VCL: variants seen among roughly 807,000 people sequenced by gnomAD.
VCL encodes the protein epididymis luminal protein 114.
Under a neutral mutation model 125.7 loss-of-function variants are expected in VCL, and 47 were observed. The ratio of observed to expected loss-of-function variants is 0.37; its 90% CI spans 0.30 to 0.48. VCL has a LOEUF of 0.48. VCL is among the 20% of genes least tolerant of loss of function. The probability of loss-of-function intolerance (pLI) is 0.99; values close to 1 mark genes in which losing one functional copy is unlikely to be tolerated. For missense variants in VCL, 1,069 were observed against 1,455.5 expected, an observed-to-expected ratio of 0.73 and a Z score of 4.32; for synonymous variants, 458 against 514.6, an observed-to-expected ratio of 0.89 and a Z score of 1.49.
chr10:74,039,995 C>G (rs1841063381), intron 1 of VCL, among the ~76,000 whole-genome samples: 1 of 152,154 alleles, frequency 6.6e-6, no homozygotes, highest in Admixed American at 6.5e-5. Flanking sequence ...AAAATACACC[C>G]AATCTTTTCC....
rs531735346 is a variant in VCL, at chr10:74,067,397, G to A, written c.240-3273G>A. Among the ~76,000 whole-genome samples, 4 of 148,778 alleles carry A rather than the reference G, an allele frequency of 2.7e-5. No homozygotes were observed. In the South Asian group the frequency reaches 6.2e-4, roughly 23 times the overall value. ...TTTATTTAAAAAAAAAAAAAGATAA[G>A]CATTGGTGAGGATATGGAGAATTAG... On this transcript the variant is annotated intron_variant, in intron 2 of 21. Coordinates refer to ENST00000211998, the MANE Select transcript of VCL (RefSeq NM_014000.3).
rs1390342720 is a variant in VCL, at chr10:74,049,742, G to A, written c.239+6589G>A. Among the ~76,000 whole-genome samples the A allele has an allele frequency of 3.9e-5, 6 of 152,262 alleles. No homozygotes were observed. In the East Asian group the frequency reaches 1.2e-3, roughly 29 times the overall value. On this transcript the variant is annotated intron_variant, in intron 2 of 21. Coordinates refer to ENST00000211998, the MANE Select transcript of VCL (RefSeq NM_014000.3). ...TAGAATTGGGCAGGAGGGAAGCTTT[G>A]TAGTTGCTGAGCAGTAGGATGACAA... is the stretch of plus-strand genomic sequence containing the variant.
chr10:74,043,198 C>T (rs756759920), intron 2 of VCL, 45 bp downstream of exon 2: 1 of 1,531,554 alleles, frequency 6.5e-7, no homozygotes, highest in Non-Finnish European at 9.0e-7. Context: ...GAATAATACT[C>T]TTGTTAGGAA....
intron 1 of VCL, among the ~76,000 whole-genome samples, chr10:74,026,726 G>T (rs1840778925): frequency 6.6e-6 from 1 of 152,116 alleles, no homozygotes; most frequent in African/African-American, 2.4e-5. Flanking sequence ...CTGATAAGGA[G>T]ACTGAGGCTC....
intron 1 of VCL, among the ~76,000 whole-genome samples, chr10:74,034,788 G>C (rs560822620): frequency 6.0e-4 from 91 of 152,356 alleles, no homozygotes; most frequent in Middle Eastern, 3.4e-3. Flanking sequence ...ATATCAGTGA[G>C]GGGTGGATGG....
At chr10:74,003,466 T>G (rs1381202107) in intron 1 of VCL, among the ~76,000 whole-genome samples, 1 of 152,206 alleles carries the variant, frequency 6.6e-6, no homozygotes, top group East Asian at 1.9e-4. Context: ...CATAGAAATG[T>G]GTCAGTCTGT....
Position 74,118,004 on chromosome 10 carries a change from A to T in VCL, c.3259-19A>T. 6.2e-7 allele frequency: 1 copy of T among 1,613,784 alleles called. No individual in the cohort carries two copies. The highest frequency in any genetic ancestry group is 2.2e-5 in the East Asian group (1 of 44,886). On this transcript the variant is annotated intron_variant, in intron 21 of 21. Transcript: ENST00000211998. ...GCATCAGGGACCCTGGGTAACGGAA[A>T]GTACCTTTTTCCTTGCAGGCCACAG... is the stretch of plus-strand genomic sequence containing the variant.
At chr10:74,112,715 G>A (rs1840246721) in intron 19 of VCL, among the ~76,000 whole-genome samples, 1 of 152,152 alleles carries the variant, frequency 6.6e-6, no homozygotes, top group Non-Finnish European at 1.5e-5. Flanking sequence ...AGTACTCAAG[G>A]CCACAAGACA....
chr10:74,094,667 T>C (rs1279514465), intron 11 of VCL, among the ~76,000 whole-genome samples: 1 of 152,180 alleles, frequency 6.6e-6, no homozygotes, highest in Non-Finnish European at 1.5e-5. Flanking sequence ...ATGTTTGTAA[T>C]CCAAGTGCTT....
chr10:74,090,031 T>A lies in VCL; in HGVS notation c.1185T>A (p.Leu395=). Residue 395 remains leucine, a synonymous_variant, in exon 10 of 22, where the codon CTT becomes CTA. Transcript: ENST00000211998. The stretch of plus-strand genomic sequence containing the variant: ...TCCGTTTCTATGTGTAGAACTGGCT[T>A]GCAGATCCAAATGGTGGACCGGAAG... ...AKKIDAAQNW[L]ADPNGGPEGE... The A allele has an allele frequency of 6.2e-7, 1 of 1,614,042 alleles. No homozygotes were observed. Among genetic ancestry groups the A allele is most frequent in the Non-Finnish European group, 8.5e-7 (1 of 1,179,978 alleles).
intron 1 of VCL, among the ~76,000 whole-genome samples, chr10:74,002,807 G>A (rs1045611217): frequency 2.0e-5 from 3 of 150,890 alleles, no homozygotes; most frequent in East Asian, 4.0e-4. Flanking sequence ...GCTTGAATCC[G>A]GGAGGTGGAG....
chr10:74,025,298 T>C (rs1028637766), intron 1 of VCL, among the ~76,000 whole-genome samples: 2 of 152,042 alleles, frequency 1.3e-5, no homozygotes, highest in African/African-American at 4.8e-5. Flanking sequence ...AATACAGGCG[T>C]AGCCATGGTG....
At chr10:74,111,079 G>A (rs1840211807) in intron 18 of VCL, among the ~76,000 whole-genome samples, 1 of 152,130 alleles carries the variant, frequency 6.6e-6, no homozygotes, top group Admixed American at 6.5e-5. Context: ...TGTACCCAAG[G>A]AGAAGCTTTC....
At chr10:74,064,355 T>C (rs1010050066) in intron 2 of VCL, among the ~76,000 whole-genome samples, 1 of 152,132 alleles carries the variant, frequency 6.6e-6, no homozygotes, top group African/African-American at 2.4e-5. Context: ...AGCTCCCGTT[T>C]TGAAGCTATC....
At chr10:74,022,290 A>G (rs1313681235) in intron 1 of VCL, among the ~76,000 whole-genome samples, 1 of 152,126 alleles carries the variant, frequency 6.6e-6, no homozygotes, top group Non-Finnish European at 1.5e-5. Context: ...TCATGCCTGT[A>G]ATCCCAGCAC....
At chr10:74,049,890 G>C (rs1247585600) in intron 2 of VCL, among the ~76,000 whole-genome samples, 1 of 150,624 alleles carries the variant, frequency 6.6e-6, no homozygotes, top group African/African-American at 2.4e-5. Context: ...GTGTAGATTT[G>C]CTTCAGATTG....
At chr10:74,054,249 T>C (rs1380220704) in intron 2 of VCL, among the ~76,000 whole-genome samples, 1 of 152,258 alleles carries the variant, frequency 6.6e-6, no homozygotes, top group Non-Finnish European at 1.5e-5. Flanking sequence ...CCTATACTAA[T>C]TGTAGACCTG....
chr10:74,082,533 G>A lies in VCL; in HGVS notation c.863G>A (p.Ser288Asn), dbSNP rs138270989. 1.9e-6 allele frequency: 3 copies of A among 1,614,050 alleles called. No individual in the cohort carries two copies. Among genetic ancestry groups the A allele is most frequent in the Non-Finnish European group, 2.5e-6 (3 of 1,179,974 alleles). The part of the protein sequence containing the change: ...NQAKGWLRDP[S>N]ASPGDAGEQA... Reference sequence around the variant, plus strand: ...GCCAAAGGTTGGCTCCGTGACCCTAGTGCCTCCCCAGGTAACCCTCTAGTT... The same window carrying A: ...GCCAAAGGTTGGCTCCGTGACCCTAATGCCTCCCCAGGTAACCCTCTAGTT... The change falls in exon 7 of 22, where the codon AGT (serine) becomes AAT (asparagine). Residue 288 changes from serine to asparagine, a missense_variant. Ser to Asn is a conservative substitution (Grantham distance 46). This residue lies in a region of VCL where 760 missense variants were observed against 928.9 expected (regional missense o/e 0.82). Transcript: ENST00000211998.
At position 74,007,671 on chromosome 10, in the gene VCL, T is replaced by C. The variant is rs1196036928; in HGVS notation, c.168+9296T>C. 2.0e-5 allele frequency among the ~76,000 whole-genome samples: 3 copies of C among 151,260 alleles called. No individual in the cohort carries two copies. The East Asian group carries it at 5.9e-4, about 30-fold the overall frequency. ...CCACCACACCCAGCTAATTTTTGTA[T>C]TTTTAGTAGAGACAGGGTTTTACCA... On this transcript the variant is annotated intron_variant, in intron 1 of 21. Transcript: ENST00000211998.
Sources: allele counts gnomAD v4.1 joint callset (sites outside exome capture counted in the v4.1 genomes callset), GRCh38; gene constraint gnomAD v4.1.1; regional missense constraint gnomAD v4.1.1; transcripts MANE v1.5; gene names NCBI Gene and HGNC (gene_info 2026-07-23, HGNC 2026-07-21).